Variants in LRRC4C observed in about 807,000 individuals in gnomAD.
LRRC4C encodes leucine rich repeat containing 4C, also known as leucine-rich repeat-containing protein 4C.
In LRRC4C, 5 loss-of-function variants were observed where a neutral mutation model predicts 33.6. The ratio of observed to expected loss-of-function variants is 0.15; its 90% confidence interval spans 0.08 to 0.31. LRRC4C has a LOEUF of 0.31. LRRC4C is among the 10% of genes least tolerant of loss of function. The pLI is 1.00. For missense variants in LRRC4C, 560 were observed against 796.7 expected (o/e 0.70, Z 3.58); for synonymous variants, 329 against 302.0 (o/e 1.09, Z -0.93).
intron 4 of LRRC4C, among the ~76,000 whole-genome samples, chr11:40,242,627 G>A (rs1183045636): frequency 6.6e-6 from 1 of 152,056 alleles, no homozygotes; most frequent in African/African-American, 2.4e-5. Context: ...AGAGGTTAAT[G>A]GATTCGGTTC....
At chr11:41,187,516 C>T (rs537159719) in intron 1 of LRRC4C, among the ~76,000 whole-genome samples, 19 of 152,302 alleles carry the variant, frequency 1.2e-4, no homozygotes, top group African/African-American at 4.1e-4. Context: ...ACTCCATCCC[C>T]CTTCTGGCCT....
intron 1 of LRRC4C, among the ~76,000 whole-genome samples, chr11:40,937,592 AGTGTGTGTATATGT>A (rs1957959073): frequency 4.2e-5 from 5 of 120,204 alleles, no homozygotes; most frequent in African/African-American, 1.8e-4. Context: ...ACTCTTCTTG[AGTGTGTGTATATGT>A]GTGTGTGTGT....
At chr11:41,242,841 T>C (rs1318724544) in intron 1 of LRRC4C, among the ~76,000 whole-genome samples, 1 of 152,188 alleles carries the variant, frequency 6.6e-6, no homozygotes, top group Non-Finnish European at 1.5e-5. Flanking sequence ...TCATATGCTA[T>C]CCTGGGTATC....
At chr11:41,443,567 CTTTTT>C (rs1565677917) in intron 1 of LRRC4C, among the ~76,000 whole-genome samples, 2 of 151,170 alleles carry the variant, frequency 1.3e-5, no homozygotes, top group Non-Finnish European at 3.0e-5. Context: ...TCTCCTTTTT[CTTTTT>C]TCTTTCTTTC....
At chr11:41,257,779 C>T (rs1948848246) in intron 1 of LRRC4C, among the ~76,000 whole-genome samples, 1 of 151,974 alleles carries the variant, frequency 6.6e-6, no homozygotes, top group Non-Finnish European at 1.5e-5. Flanking sequence ...CTCTACTTTG[C>T]CAGAGTGACT....
chr11:40,598,592 C>A (rs1959624652), intron 3 of LRRC4C, among the ~76,000 whole-genome samples: 1 of 152,150 alleles, frequency 6.6e-6, no homozygotes. Context: ...TCTGTGCTAT[C>A]CTCACAATAA....
At chr11:40,377,786 T>C (rs914053204) in intron 3 of LRRC4C, among the ~76,000 whole-genome samples, 1 of 152,114 alleles carries the variant, frequency 6.6e-6, no homozygotes, top group African/African-American at 2.4e-5. Context: ...AGTTCTCAAC[T>C]AGGGACAGTT....
chr11:40,969,485 T>G (rs995451528), intron 1 of LRRC4C, among the ~76,000 whole-genome samples: 2 of 149,298 alleles, frequency 1.3e-5, no homozygotes, highest in Non-Finnish European at 3.0e-5. Flanking sequence ...AACTATTTCA[T>G]GAAAGGTAGT....
rs555724906 is a variant in LRRC4C at position 40,914,457 on chromosome 11, T to C, written c.-407+19178A>G. ...ACCAATGACAAAAACCACATGATTA[T>C]CTCAATAGGTGCAGACAAGGCCTTA... is the stretch of plus-strand genomic sequence containing the variant. On this transcript the variant is annotated intron_variant, in intron 2 of 6. Coordinates refer to ENST00000528697, the MANE Select transcript of LRRC4C (RefSeq NM_001258419.2). Among the ~76,000 whole-genome samples, 210 of 152,302 alleles carry C rather than the reference T, an allele frequency of 1.4e-3. 8 individuals carry two copies. The South Asian group carries it at 0.041, about 30-fold the overall frequency.
intron 1 of LRRC4C, among the ~76,000 whole-genome samples, chr11:41,310,687 T>A (rs1262162343): frequency 5.3e-5 from 8 of 152,116 alleles, no homozygotes; most frequent in Admixed American, 5.2e-4. Flanking sequence ...TAGAGCTTCT[T>A]ACAACAGCAT....
At chr11:40,144,213 T>C (rs1857562819) in intron 5 of LRRC4C, among the ~76,000 whole-genome samples, 1 of 152,218 alleles carries the variant, frequency 6.6e-6, no homozygotes, top group Non-Finnish European at 1.5e-5. Flanking sequence ...TGGCATGTCA[T>C]ACATTCTCTA....
At chr11:40,319,543 G>A (rs1945738827) in intron 4 of LRRC4C, 85 bp downstream of exon 4, 1 of 150,764 alleles carries the variant, frequency 6.6e-6, no homozygotes, top group Admixed American at 6.6e-5. Flanking sequence ...ATTTTTTTTT[G>A]ACTTAGTGAA....
At chr11:41,280,832 T>C (rs1949639057) in intron 1 of LRRC4C, among the ~76,000 whole-genome samples, 1 of 152,100 alleles carries the variant, frequency 6.6e-6, no homozygotes, top group East Asian at 1.9e-4. Flanking sequence ...GTTGAAAGGC[T>C]AGCTAAGTAA....
chr11:41,389,234 C>CGTAAGTA (rs1953484429), intron 1 of LRRC4C, among the ~76,000 whole-genome samples: 1 of 151,626 alleles, frequency 6.6e-6, no homozygotes, highest in Non-Finnish European at 1.5e-5. Flanking sequence ...CATGTAGGTC[C>CGTAAGTA]CACAAAATGC....
intron 3 of LRRC4C, among the ~76,000 whole-genome samples, chr11:40,468,944 A>T (rs1371834293): frequency 6.6e-6 from 1 of 152,236 alleles, no homozygotes; most frequent in Non-Finnish European, 1.5e-5. Context: ...GTCACACATT[A>T]TTCTTATCTG....
At chr11:40,243,246 C>G (rs1329934668) in intron 4 of LRRC4C, among the ~76,000 whole-genome samples, 1 of 151,924 alleles carries the variant, frequency 6.6e-6, no homozygotes, top group Non-Finnish European at 1.5e-5. Context: ...TAATGTATAC[C>G]AACAATTTTC....
chr11:41,263,481 C>T (rs777864754), intron 1 of LRRC4C, among the ~76,000 whole-genome samples: 55 of 152,066 alleles, frequency 3.6e-4, no homozygotes, highest in South Asian at 1.0e-3. Context: ...TTAGAGAAAG[C>T]GTCAAAACAC....
chr11:40,425,141 AC>A (rs1482433000), intron 3 of LRRC4C, among the ~76,000 whole-genome samples: 1 of 151,660 alleles, frequency 6.6e-6, no homozygotes, highest in African/African-American at 2.4e-5. Context: ...AAAAAAAAGA[AC>A]CCTTATGGTG....
At chr11:41,326,482 T>C (rs1951122053) in intron 1 of LRRC4C, among the ~76,000 whole-genome samples, 1 of 152,080 alleles carries the variant, frequency 6.6e-6, no homozygotes, top group Non-Finnish European at 1.5e-5. Context: ...CCTTCATATA[T>C]ACATCTATCC....
Sources: gnomAD v4.1 joint callset for allele counts (sites outside exome capture counted in the v4.1 genomes callset) on GRCh38, gnomAD v4.1.1 for gene constraint, MANE v1.5 for transcripts, NCBI Gene and HGNC (gene_info 2026-07-23, HGNC 2026-07-21) for gene names.